Variants in EGFR observed in about 807,000 individuals in gnomAD.
EGFR encodes avian erythroblastic leukemia viral (v-erb-b) oncogene homolog.
In EGFR, 58 loss-of-function variants were observed where a neutral mutation model predicts 143.0. That is an observed-to-expected ratio of 0.41 (90% CI 0.33 to 0.50). The LOEUF is 0.50. Ranked by LOEUF, EGFR falls within the 20% of genes least tolerant of loss-of-function variation. EGFR has a pLI of 0.39. For synonymous variants in EGFR, 613 were observed against 594.4 expected, an observed-to-expected ratio of 1.03 and a Z score of -0.45; for missense variants, 1,307 against 1,579.0, an observed-to-expected ratio of 0.83 and a Z score of 2.92.
In EGFR at chr7:55,205,752, C is replaced by A; in HGVS notation, c.*135C>A. 7.2e-7 allele frequency: 1 copy of A among 1,394,308 alleles called. No homozygotes were observed. Among genetic ancestry groups the A allele is most frequent in the South Asian group, 1.2e-5 (1 of 82,702 alleles). 86.4% of individuals were successfully genotyped at this position (1,394,308 alleles called of 1,614,324 possible). A position where few individuals can be genotyped will look rare whatever the true frequency, so the allele number is the denominator to read the frequency against. On this transcript the variant is annotated 3_prime_UTR_variant, in exon 28 of 28. Transcript: ENST00000275493. Reference sequence around the variant, plus strand: ...ACAGACTGGTTTTGCAACGTTTACACCGACTAGCCAGGAAGTACTTCCACC... The same window carrying A: ...ACAGACTGGTTTTGCAACGTTTACAACGACTAGCCAGGAAGTACTTCCACC...
intron 4 of EGFR, 100 bp from the exon 5 acceptor site, chr7:55,151,194 G>C: frequency 8.7e-7 from 1 of 1,154,802 alleles, no homozygotes; most frequent in South Asian, 1.2e-5. Flanking sequence ...TGAAAAGATT[G>C]TCTTCATTTA....
intron 4 of EGFR, among the ~76,000 whole-genome samples, chr7:55,150,140 T>C (rs563387216): frequency 2.0e-5 from 3 of 152,398 alleles, no homozygotes; most frequent in African/African-American, 7.2e-5. Flanking sequence ...ATTTTTCTTT[T>C]AAATATTTTT....
rs573001419 is a variant in EGFR at position 55,111,382 on chromosome 7, T to C, written c.89-30904T>C. Among the ~76,000 whole-genome samples, 363 of 149,320 alleles carry C rather than the reference T, an allele frequency of 2.4e-3. 1 individual carries two copies. Among genetic ancestry groups the C allele is most frequent in the Non-Finnish European group, 3.5e-3 (238 of 67,360 alleles). On this transcript the variant is annotated intron_variant, in intron 1 of 27. Coordinates refer to ENST00000275493, the MANE Select transcript of EGFR (RefSeq NM_005228.5). ...GCTAGACGTTTTGTTTTTTTTTTTT[T>C]CTAAACCTCACACCTTTTATTTATT...
rs199796955 is a variant in EGFR, at chr7:55,154,107, G to A, written c.844G>A (p.Glu282Lys). 2.0e-4 allele frequency: 330 copies of A among 1,614,056 alleles called. 3 individuals carry two copies. Among genetic ancestry groups the A allele is most frequent in the East Asian group, 8.9e-5 (4 of 44,892 alleles). Residue 282 changes from glutamate (E) to lysine (K), a missense_variant, in exon 7 of 28, where the codon GAG becomes AAG. Glu to Lys is a moderately conservative substitution (Grantham distance 56). Around this residue, in one of 7 missense-constraint regions of EGFR, gnomAD observed 311 missense variants for 412.3 expected, o/e 0.75. Coordinates refer to ENST00000275493, the MANE Select transcript of EGFR (RefSeq NM_005228.5). ...CACGTACCAGATGGATGTGAACCCC[G>A]AGGGCAAATACAGCTTTGGTGCCAC... ...PTTYQMDVNP[E>K]GKYSFGATCV...
rs192274478 is a variant in EGFR at position 55,111,873 on chromosome 7, A to G, written c.89-30413A>G. On this transcript the variant is annotated intron_variant, in intron 1 of 27. Coordinates refer to ENST00000275493, the MANE Select transcript of EGFR (RefSeq NM_005228.5). ...AGGTGAAACATATTCCTTTGCTTCTACATCACTGTGTGCCAGGCACTGTTT... is the reference window on the plus strand; with the variant it reads ...AGGTGAAACATATTCCTTTGCTTCTGCATCACTGTGTGCCAGGCACTGTTT... Among the ~76,000 whole-genome samples the G allele has an allele frequency of 3.3e-3, 496 of 152,330 alleles. 6 individuals carry two copies. Among genetic ancestry groups the G allele is most frequent in the Non-Finnish European group, 5.1e-3 (345 of 68,024 alleles).
At chr7:55,192,339 T>C (rs879709174) in intron 21 of EGFR, among the ~76,000 whole-genome samples, 2 of 152,062 alleles carry the variant, frequency 1.3e-5, no homozygotes, top group Non-Finnish European at 2.9e-5. Context: ...CGGTTTCTCT[T>C]AGGGACCCTC....
rs1324843897 is a variant in EGFR, at chr7:55,021,080, C to G, written c.88+1715C>G. On this transcript the variant is annotated intron_variant, in intron 1 of 27. Transcript: ENST00000275493. ...TCTCCGGAGATGTTACTTGCCAATG[C>G]TAAGAGCTCTTTGAGGACATCTGGA... Among the ~76,000 whole-genome samples, 3 of 152,018 alleles carry G rather than the reference C, an allele frequency of 2.0e-5. No individual in the cohort carries two copies. The East Asian group carries it at 5.8e-4, about 29-fold the overall frequency.
chr7:55,178,049 C>T (rs758535773), intron 19 of EGFR, among the ~76,000 whole-genome samples: 18 of 152,190 alleles, frequency 1.2e-4, no homozygotes, highest in Admixed American at 2.0e-4. Context: ...GTGTGGCCGA[C>T]ACCCACGCCC....
At chr7:55,190,129 C>T (rs559752271) in intron 20 of EGFR, among the ~76,000 whole-genome samples, 1 of 152,128 alleles carries the variant, frequency 6.6e-6, no homozygotes, top group South Asian at 2.1e-4. Flanking sequence ...CTTCTGCCCC[C>T]CCTCTCCTCT....
chr7:55,115,979 A>G (rs946646381), intron 1 of EGFR, among the ~76,000 whole-genome samples: 4 of 152,216 alleles, frequency 2.6e-5, no homozygotes, highest in African/African-American at 9.6e-5. Context: ...GTTTGAAACA[A>G]GTGTTCCTAG....
At chr7:55,118,108 T>C (rs937263191) in intron 1 of EGFR, among the ~76,000 whole-genome samples, 1 of 152,244 alleles carries the variant, frequency 6.6e-6, no homozygotes, top group African/African-American at 2.4e-5. Flanking sequence ...TAATGAATCC[T>C]TTATTCATAA....
chr7:55,126,758 A>G (rs554864912), intron 1 of EGFR, among the ~76,000 whole-genome samples: 28 of 152,258 alleles, frequency 1.8e-4, no homozygotes, highest in Non-Finnish European at 3.7e-4. Flanking sequence ...CTGGATATAC[A>G]TGAATTAGAA....
intron 19 of EGFR, among the ~76,000 whole-genome samples, chr7:55,179,209 G>C (rs1274069466): frequency 6.6e-6 from 1 of 152,228 alleles, no homozygotes; most frequent in Non-Finnish European, 1.5e-5. Context: ...TTTAAGTACA[G>C]ATTATGATGA....
In EGFR at chr7:55,048,526, T is replaced by C. The variant is rs373715324; in HGVS notation, c.88+29161T>C. 5.4e-4 allele frequency among the ~76,000 whole-genome samples: 82 copies of C among 152,358 alleles called. 2 individuals are homozygous for C. In the South Asian group the frequency reaches 0.015, roughly 28 times the overall value. On this transcript the variant is annotated intron_variant, in intron 1 of 27. Transcript: ENST00000275493. The stretch of plus-strand genomic sequence containing the variant: ...GTGTTTTTGTCTGCTTTTCGGTTAA[T>C]AGACTTTCACAGTAGCCAATTGAAT...
At position 55,207,170 on chromosome 7, in the gene EGFR, A is replaced by G. The variant is rs762053455; in HGVS notation, c.*1553A>G. ...ATTTATCAAGGAAGAAATGGTTCAGAAAATATTTTCAGCCTACAGTTATGT... is the reference window on the plus strand; with the variant it reads ...ATTTATCAAGGAAGAAATGGTTCAGGAAATATTTTCAGCCTACAGTTATGT... On this transcript the variant is annotated 3_prime_UTR_variant, in exon 28 of 28. Coordinates refer to ENST00000275493, the MANE Select transcript of EGFR (RefSeq NM_005228.5). 35 of 232,766 alleles carry G rather than the reference A, an allele frequency of 1.5e-4. No individual in the cohort carries two copies. Among genetic ancestry groups the G allele is most frequent in the Non-Finnish European group, 2.8e-4 (33 of 117,854 alleles). The allele number at this position is 232,766 out of a possible 1,614,324, so 14.4% of individuals were successfully genotyped here. A position where few individuals can be genotyped will look rare whatever the true frequency, so the allele number is the denominator to read the frequency against.
intron 10 of EGFR, 42 bp from the exon 11 acceptor site, chr7:55,157,621 T>G (rs1584183602): frequency 6.4e-7 from 1 of 1,554,700 alleles, no homozygotes; most frequent in East Asian, 2.2e-5. Flanking sequence ...AAAAAGAAAC[T>G]CCTACGTGGT....
At chr7:55,049,353 G>A (rs1449725108) in intron 1 of EGFR, among the ~76,000 whole-genome samples, 1 of 151,994 alleles carries the variant, frequency 6.6e-6, no homozygotes, top group Non-Finnish European at 1.5e-5. Context: ...TTACCAAACC[G>A]CCTCTTTCTT....
intron 1 of EGFR, among the ~76,000 whole-genome samples, chr7:55,134,193 G>A (rs1166680982): frequency 6.6e-6 from 1 of 151,122 alleles, no homozygotes; most frequent in African/African-American, 2.4e-5. Flanking sequence ...ACTCAGCGAG[G>A]CCCACCCCAG....
chr7:55,039,575 G>T (rs976209665), intron 1 of EGFR, among the ~76,000 whole-genome samples: 3 of 152,190 alleles, frequency 2.0e-5, no homozygotes, highest in African/African-American at 7.2e-5. Flanking sequence ...GTGAGGGAGA[G>T]CTCCTCCATG....
Sources: allele counts gnomAD v4.1 joint callset (sites outside exome capture counted in the v4.1 genomes callset), GRCh38; gene constraint gnomAD v4.1.1; regional missense constraint gnomAD v4.1.1; transcripts MANE v1.5; gene names NCBI Gene and HGNC (gene_info 2026-07-23, HGNC 2026-07-21).